The following MITF variants were observed in gnomAD, a reference collection of about 807,000 sequenced individuals.
MITF encodes the protein microphthalmia-associated transcription factor.
Under a neutral mutation model 60.5 loss-of-function variants are expected in MITF, and 17 were observed. The observed-to-expected ratio is 0.28, with a 90% CI of 0.19 to 0.42. MITF has a LOEUF of 0.42. Among genes scored for constraint, MITF ranks in the 10% least tolerant of loss-of-function variants. The pLI is 1.00. For missense variants in MITF, 622 were observed against 683.5 expected, an observed-to-expected ratio of 0.91 and a Z score of 1.00; for synonymous variants, 260 against 248.5, an observed-to-expected ratio of 1.05 and a Z score of -0.43.
chr3:69,795,081 T>G (rs760349577), intron 1 of MITF, among the ~76,000 whole-genome samples: 2 of 152,204 alleles, frequency 1.3e-5, no homozygotes, highest in Non-Finnish European at 2.9e-5. Flanking sequence ...TGTACATGTC[T>G]TCAGTGGATG....
chr3:69,847,773 A>G (rs1218776704), intron 1 of MITF, among the ~76,000 whole-genome samples: 1 of 152,250 alleles, frequency 6.6e-6, no homozygotes, highest in Non-Finnish European at 1.5e-5. Context: ...GGACTCCTCC[A>G]AGACTTTGCC....
intron 1 of MITF, among the ~76,000 whole-genome samples, chr3:69,743,932 G>T (rs1382870542): frequency 4.6e-5 from 7 of 152,206 alleles, no homozygotes; most frequent in Non-Finnish European, 1.0e-4. Flanking sequence ...AGTTGTTAAT[G>T]TCCTTTTCCT....
At chr3:69,884,917 C>G (rs1196698921) in intron 2 of MITF, among the ~76,000 whole-genome samples, 2 of 152,152 alleles carry the variant, frequency 1.3e-5, no homozygotes, top group East Asian at 3.8e-4. Context: ...CTTTACACAA[C>G]TAAGCCTATG....
At chr3:69,944,817 C>A (rs965965514) in intron 5 of MITF, among the ~76,000 whole-genome samples, 3 of 152,142 alleles carry the variant, frequency 2.0e-5, no homozygotes, top group Non-Finnish European at 4.4e-5. Flanking sequence ...AAGTAAGTTA[C>A]TAGCTCTTAT....
At chr3:69,881,709 C>A (rs1028343555) in intron 2 of MITF, among the ~76,000 whole-genome samples, 22 of 151,298 alleles carry the variant, frequency 1.5e-4, no homozygotes, top group African/African-American at 5.3e-4. Context: ...TGGTTAATAG[C>A]AAAACAGTTA....
intron 2 of MITF, among the ~76,000 whole-genome samples, chr3:69,924,306 G>C (rs1184600285): frequency 6.6e-6 from 1 of 152,168 alleles, no homozygotes; most frequent in Non-Finnish European, 1.5e-5. Flanking sequence ...CACCAAGTCA[G>C]ATCTCTTAGA....
Position 69,966,742 on chromosome 3 carries a change from G to C in MITF, c.*1494G>C, listed in dbSNP as rs971777060. 1 of 232,878 alleles carries C rather than the reference G, an allele frequency of 4.3e-6. No homozygotes were observed. Among genetic ancestry groups the C allele is most frequent in the Non-Finnish European group, 8.5e-6 (1 of 117,644 alleles). 14.4% of individuals were successfully genotyped at this position (232,878 alleles called of 1,614,324 possible). On this transcript the variant is annotated 3_prime_UTR_variant, in exon 10 of 10. Transcript: ENST00000352241. ...AGATGTTTTATACAGATGCCATATA[G>C]TGTTATGAGCCAGGCTGTTGAATGG...
intron 1 of MITF, among the ~76,000 whole-genome samples, chr3:69,872,422 C>T (rs2064259624): frequency 6.6e-6 from 1 of 151,972 alleles, no homozygotes. Context: ...GATCCTTCTT[C>T]CTAGTTAATT....
intron 1 of MITF, among the ~76,000 whole-genome samples, chr3:69,842,800 C>T (rs2063663664): frequency 6.6e-6 from 1 of 152,148 alleles, no homozygotes; most frequent in African/African-American, 2.4e-5. Flanking sequence ...GTCAGGAGCC[C>T]AGTGTGGAAC....
At chr3:69,800,255 A>G (rs1187221239) in intron 1 of MITF, among the ~76,000 whole-genome samples, 1 of 152,174 alleles carries the variant, frequency 6.6e-6, no homozygotes, top group Non-Finnish European at 1.5e-5. Flanking sequence ...TTCAAGATTC[A>G]GCCTTGAAAG....
chr3:69,829,174 T>G (rs2063405262), intron 1 of MITF, among the ~76,000 whole-genome samples: 1 of 152,186 alleles, frequency 6.6e-6, no homozygotes, highest in Non-Finnish European at 1.5e-5. Context: ...TTTCATCTCA[T>G]TTGTCTAAGA....
chr3:69,899,118 G>A (rs1219961558), intron 2 of MITF, among the ~76,000 whole-genome samples: 2 of 152,232 alleles, frequency 1.3e-5, no homozygotes, highest in Non-Finnish European at 2.9e-5. Flanking sequence ...GCCGGGAAGA[G>A]TTCTCCAACT....
intron 2 of MITF, among the ~76,000 whole-genome samples, chr3:69,917,000 T>G (rs1217356637): frequency 6.6e-6 from 1 of 152,214 alleles, no homozygotes; most frequent in Admixed American, 6.5e-5. Context: ...GACATATGTT[T>G]AGTGCATGTC....
chr3:69,857,041 G>T (rs2063930280), intron 1 of MITF, among the ~76,000 whole-genome samples: 1 of 151,942 alleles, frequency 6.6e-6, no homozygotes, highest in African/African-American at 2.4e-5. Flanking sequence ...ACCTATTGGT[G>T]AATAGTTATT....
intron 1 of MITF, among the ~76,000 whole-genome samples, chr3:69,773,620 A>G (rs556466174): frequency 6.6e-6 from 1 of 152,268 alleles, no homozygotes; most frequent in East Asian, 1.9e-4. Flanking sequence ...TCCTGTGAGT[A>G]TTTCATGTGT....
chr3:69,862,586 C>A (rs1034873383), intron 1 of MITF, among the ~76,000 whole-genome samples: 1 of 152,192 alleles, frequency 6.6e-6, no homozygotes, highest in Non-Finnish European at 1.5e-5. Context: ...TACTTTTCTT[C>A]AGCTAAGTCT....
intron 1 of MITF, among the ~76,000 whole-genome samples, chr3:69,836,343 G>A (rs2063540304): frequency 6.6e-6 from 1 of 152,032 alleles, no homozygotes; most frequent in Non-Finnish European, 1.5e-5. Flanking sequence ...ACATTATTGA[G>A]CAAATAATAT....
intron 1 of MITF, among the ~76,000 whole-genome samples, chr3:69,768,480 A>T (rs2062337055): frequency 6.6e-6 from 1 of 152,216 alleles, no homozygotes; most frequent in Non-Finnish European, 1.5e-5. Flanking sequence ...ATATTTTCTG[A>T]ACATGATATT....
intron 9 of MITF, 70 bp downstream of exon 9, chr3:69,959,490 A>G: frequency 1.3e-6 from 2 of 1,579,828 alleles, no homozygotes; most frequent in Non-Finnish European, 1.7e-6. Flanking sequence ...CAGGGATATA[A>G]TGAGCCATAG....
Sources: allele counts gnomAD v4.1 joint callset (sites outside exome capture counted in the v4.1 genomes callset), GRCh38; gene constraint gnomAD v4.1.1; transcripts MANE v1.5; gene names NCBI Gene and HGNC (gene_info 2026-07-23, HGNC 2026-07-21).